Variants in CCDC13 observed in about 807,000 individuals in gnomAD.
CCDC13 encodes the protein coiled-coil domain containing 13.
In CCDC13, 70 loss-of-function variants were observed where a neutral mutation model predicts 87.3. The ratio of observed to expected loss-of-function variants is 0.80; its 90% CI spans 0.66 to 0.98. The LOEUF is 0.98. Among genes scored for constraint, CCDC13 ranks in the 50% least tolerant of loss-of-function variants. CCDC13 has a pLI of 0.00. For synonymous variants in CCDC13, 317 were observed against 360.3 expected (o/e 0.88, Z 1.36); for missense variants, 842 against 892.0 (o/e 0.94, Z 0.71).
chr3:42,722,882 C>T (rs892126979), intron 13 of CCDC13, among the ~76,000 whole-genome samples: 3 of 150,656 alleles, frequency 2.0e-5, no homozygotes, highest in Admixed American at 6.6e-5. Flanking sequence ...TTGCAAGCTC[C>T]GCCTCCCAGG....
intron 13 of CCDC13, among the ~76,000 whole-genome samples, chr3:42,729,998 C>T (rs532882981): frequency 5.3e-5 from 8 of 152,262 alleles, no homozygotes; most frequent in Non-Finnish European, 1.2e-4. Context: ...AAAACCATAC[C>T]TCCTGGTCCA....
chr3:42,767,906 A>G (rs561943439), intron 1 of CCDC13, among the ~76,000 whole-genome samples: 1 of 151,996 alleles, frequency 6.6e-6, no homozygotes. Flanking sequence ...CCCAGGAGGC[A>G]GAGGTTGCAG....
intron 5 of CCDC13, chr3:42,749,893 G>A (rs1390307018): frequency 6.6e-6 from 3 of 456,614 alleles, no homozygotes; most frequent in Non-Finnish European, 1.3e-5. Flanking sequence ...GAGGCCTAGG[G>A]TTGGAATGTG....
intron 8 of CCDC13, among the ~76,000 whole-genome samples, chr3:42,740,034 A>G (rs1014575692): frequency 5.3e-5 from 8 of 152,090 alleles, no homozygotes; most frequent in Non-Finnish European, 1.2e-4. Flanking sequence ...ACATGACAGC[A>G]CTAACCCATG....
chr3:42,713,772 A>C (rs550016142), intron 13 of CCDC13, among the ~76,000 whole-genome samples: 6 of 152,262 alleles, frequency 3.9e-5, no homozygotes, highest in Non-Finnish European at 7.3e-5. Flanking sequence ...ATTAGGTATC[A>C]GTTTTCTATC....
intron 13 of CCDC13, among the ~76,000 whole-genome samples, chr3:42,714,643 C>T (rs1698389569): frequency 6.6e-6 from 1 of 152,202 alleles, no homozygotes; most frequent in African/African-American, 2.4e-5. Flanking sequence ...CCAAGAGTTA[C>T]ATGCACACCT....
chr3:42,749,936 G>A (rs949692705), intron 5 of CCDC13: 17 of 456,490 alleles, frequency 3.7e-5, no homozygotes, highest in East Asian at 6.9e-5. Context: ...AGTGTGGCTC[G>A]GGCTTGGGCC....
In CCDC13 at chr3:42,735,834, A is replaced by G. The variant is rs2125886529; in HGVS notation, c.1244T>C (p.Leu415Pro). The change falls in exon 10 of 16, where the codon CTG becomes CCG. Residue 415 changes from leucine (L) to proline (P), a missense_variant. By Grantham distance (98) the Leu-to-Pro change is moderately conservative (BLOSUM62 -3). Transcript: ENST00000310232. ...AGCCTCGCTGTTCAGTTGCTGGTCCAGGTGGTGCTGGGACACTCGCGTTTT... is the reference window on the plus strand; with the variant it reads ...AGCCTCGCTGTTCAGTTGCTGGTCCGGGTGGTGCTGGGACACTCGCGTTTT... ...EEKTRVSQHH[L>P]DQQLNSEAQR... 3 of 1,614,252 alleles carry G rather than the reference A, an allele frequency of 1.9e-6. No homozygotes were observed. Among genetic ancestry groups the G allele is most frequent in the Non-Finnish European group, 8.5e-7 (1 of 1,180,040 alleles).
Position 42,709,014 on chromosome 3 carries a change from T to C in CCDC13, c.2114A>G (p.Gln705Arg), listed in dbSNP as rs1349565491. 6 of 1,613,712 alleles carry C rather than the reference T, an allele frequency of 3.7e-6. No homozygotes were observed. The highest frequency in any genetic ancestry group is 1.7e-6 in the Non-Finnish European group (2 of 1,179,766). ...GCCTGTCTTCTGCTGCCGCAGGGCC[T>C]GCAGGAAGACACTTTTCACCTGGCC... is the stretch of plus-strand genomic sequence containing the variant. ...ILGQVKSVFL[Q>R]ALRQQKTGKQ Residue 705 changes from glutamine to arginine, a missense_variant, in exon 16 of 16, where the codon CAG (glutamine) becomes CGG (arginine). Physicochemically the swap from Gln to Arg is conservative, Grantham distance 43 (BLOSUM62 1). Transcript: ENST00000310232.
chr3:42,769,459 C>T (rs993101238), intron 1 of CCDC13, among the ~76,000 whole-genome samples: 4 of 152,236 alleles, frequency 2.6e-5, no homozygotes, highest in African/African-American at 9.6e-5. Context: ...GCCATATGAT[C>T]CAGTGATCAT....
At chr3:42,769,952 GCCA>G (rs1296396123) in intron 1 of CCDC13, among the ~76,000 whole-genome samples, 2 of 152,242 alleles carry the variant, frequency 1.3e-5, no homozygotes, top group Admixed American at 6.5e-5. Flanking sequence ...GCCTCCCCCT[GCCA>G]CCGTGGGCTC....
In CCDC13 at chr3:42,751,989, C is replaced by A. The variant is rs1162054368; in HGVS notation, c.550G>T (p.Ala184Ser). 9 of 1,609,658 alleles carry A rather than the reference C, an allele frequency of 5.6e-6. No individual in the cohort carries two copies. The highest frequency in any genetic ancestry group is 7.6e-6 in the Non-Finnish European group (9 of 1,180,006). The change falls in exon 5 of 16, where the codon GCC (alanine) becomes TCC (serine). Residue 184 changes from alanine to serine, a missense_variant. Physicochemically the swap from Ala to Ser is moderately conservative, Grantham distance 99. Transcript: ENST00000310232. ...GGTGGCTTGGCTCCTGCGTCGGTGGCCCCCTTGGCTGACAGCCTGGTCAGG... is the reference window on the plus strand; with the variant it reads ...GGTGGCTTGGCTCCTGCGTCGGTGGACCCCTTGGCTGACAGCCTGGTCAGG... ...TALTRLSAKG[A>S]TDAGAKPPRA...
chr3:42,709,687 G>A lies in CCDC13; in HGVS notation c.1985C>T (p.Thr662Ile). ...PVESQMEELT[T>I]RLAIQVEENE... ...GGAAGGCGGGGCAGGGGAGCACCTGGTTGTCAGCTCTTCCATTTGGGATTC... is the reference window on the plus strand; with the variant it reads ...GGAAGGCGGGGCAGGGGAGCACCTGATTGTCAGCTCTTCCATTTGGGATTC... The change falls in exon 15 of 16, where the codon ACC becomes ATC. Residue 662 changes from threonine to isoleucine, a missense_variant. Transcript: ENST00000310232. 6.2e-7 allele frequency: 1 copy of A among 1,613,540 alleles called. No homozygotes were observed. The highest frequency in any genetic ancestry group is 8.5e-7 in the Non-Finnish European group (1 of 1,179,466).
chr3:42,713,402 G>T, intron 13 of CCDC13, 86 bp from the exon 14 acceptor site: 4 of 1,361,974 alleles, frequency 2.9e-6, no homozygotes, highest in Non-Finnish European at 4.0e-6. Flanking sequence ...TAGAGAGATG[G>T]GCACATCTTA....
At chr3:42,767,813 A>G (rs1452791534) in intron 1 of CCDC13, among the ~76,000 whole-genome samples, 1 of 152,088 alleles carries the variant, frequency 6.6e-6, no homozygotes, top group Admixed American at 6.5e-5. Context: ...CGTCTCTACT[A>G]AAAATACAAA....
At chr3:42,705,728 T>C (rs1360190218), downstream of CCDC13, among the ~76,000 whole-genome samples, 3 of 152,176 alleles carry the variant, frequency 2.0e-5, no homozygotes, top group Non-Finnish European at 2.9e-5. Context: ...CAGATGGTGC[T>C]ACCCAGGAGA....
rs1045493926 is a variant in CCDC13 at position 42,707,261 on chromosome 3, T to C, written c.*1719A>G. On this transcript the variant is annotated 3_prime_UTR_variant, in exon 16 of 16. Transcript: ENST00000310232. ...CCCCTCGCTGTCACACACTGTCCCC[T>C]CCAAGCACAGACCCTCTCTCTCCTG... is the stretch of plus-strand genomic sequence containing the variant. Among the ~76,000 whole-genome samples the C allele has an allele frequency of 3.9e-5, 6 of 152,090 alleles. No individual in the cohort carries two copies. The highest frequency in any genetic ancestry group is 1.4e-4 in the African/African-American group (6 of 41,418).
rs1553690701 is a variant in CCDC13 at position 42,743,587 on chromosome 3, T to TTATA, written c.826-534_826-531dup. On this transcript the variant is annotated intron_variant, in intron 7 of 15. Transcript: ENST00000310232. ...CACAGGCAACTGTGCCTGGATAATTTTATATATATATATACACACACACAT... is the reference window on the plus strand; with the variant it reads ...CACAGGCAACTGTGCCTGGATAATTTTATATATATATATATATACACACACACAT... Among the ~76,000 whole-genome samples, 25 of 97,676 alleles carry TTATA rather than the reference T, an allele frequency of 2.6e-4. 1 individual carries two copies. The highest frequency in any genetic ancestry group is 1.7e-3 in the Admixed American group (17 of 9,820). The allele number at this position is 97,676 out of a possible 152,430, so 64.1% of individuals were successfully genotyped here. A position where few individuals can be genotyped will look rare whatever the true frequency, so the allele number is the denominator to read the frequency against.
Position 42,713,093 on chromosome 3 carries a change from G to T in CCDC13, c.1873+69C>A, listed in dbSNP as rs535082112. ...CACTGATGGGCTGAACAGTGCAGCT[G>T]CCTGGCTCCTCTGTTAGCAGCAACA... On this transcript the variant is annotated intron_variant, in intron 14 of 15. Transcript: ENST00000310232. The T allele has an allele frequency of 1.1e-3, 1,688 of 1,547,276 alleles. 1 individual carries two copies. Among genetic ancestry groups the T allele is most frequent in the Admixed American group, 4.0e-3 (225 of 56,700 alleles).
Sources: allele counts gnomAD v4.1 joint callset (sites outside exome capture counted in the v4.1 genomes callset), GRCh38; gene constraint gnomAD v4.1.1; transcripts MANE v1.5; gene names NCBI Gene and HGNC (gene_info 2026-07-23, HGNC 2026-07-21).